TCERG1L: variants seen among roughly 807,000 people sequenced by gnomAD.
The protein encoded by TCERG1L is transcription elongation regulator 1-like protein.
TCERG1L carries 37 observed loss-of-function variants against 56.3 expected under a neutral mutation model. That is an observed-to-expected ratio of 0.66 (90% CI 0.51 to 0.87). The LOEUF (loss-of-function observed/expected upper bound fraction) is 0.87, where lower values mean the gene tolerates loss of function less well. TCERG1L is among the 40% of genes least tolerant of loss of function. The pLI is 0.00. For synonymous variants in TCERG1L, 324 were observed against 326.3 expected (o/e 0.99, Z 0.08); for missense variants, 799 against 774.2 (o/e 1.03, Z -0.38).
Position 131,225,786 on chromosome 10 carries a change from C to T in TCERG1L, c.856+34473G>A, listed in dbSNP as rs185116416. 1.6e-4 allele frequency among the ~76,000 whole-genome samples: 25 copies of T among 152,052 alleles called. No homozygotes were observed. The East Asian group carries it at 4.5e-3, about 27-fold the overall frequency. On this transcript the variant is annotated intron_variant, in intron 4 of 11. Coordinates refer to ENST00000368642, the MANE Select transcript of TCERG1L (RefSeq NM_174937.4). ...ACAGCGATGCCCCAGGCTAGGTTTC[C>T]GATAAACGCAAGTGTGATTGGCCTC...
At chr10:131,148,467 CACAT>C (rs1161689054) in intron 6 of TCERG1L, among the ~76,000 whole-genome samples, 19 of 144,334 alleles carry the variant, frequency 1.3e-4, no homozygotes, top group Admixed American at 5.4e-4. Context: ...CACACACAGA[CACAT>C]ACACAGACAC....
At chr10:131,177,049 CAG>C (rs1262076110) in intron 4 of TCERG1L, among the ~76,000 whole-genome samples, 3 of 109,756 alleles carry the variant, frequency 2.7e-5, no homozygotes, top group South Asian at 3.8e-4. Context: ...TGCACACACA[CAG>C]ACGTATACAC....
chr10:131,290,586 G>A lies in TCERG1L; in HGVS notation c.670+17625C>T, dbSNP rs181491651. The stretch of plus-strand genomic sequence containing the variant: ...GCGGAGGTTGCAGTGAGCTGAGATC[G>A]CGCCATTGCACTCCAGCCTGGACAA... On this transcript the variant is annotated intron_variant, in intron 3 of 11. Coordinates refer to ENST00000368642, the MANE Select transcript of TCERG1L (RefSeq NM_174937.4). Among the ~76,000 whole-genome samples, 6 of 142,954 alleles carry A rather than the reference G, an allele frequency of 4.2e-5. No individual in the cohort carries two copies. The East Asian group carries it at 1.0e-3, about 25-fold the overall frequency. The allele number at this position is 142,954 out of a possible 152,430, so 93.8% of individuals were successfully genotyped here.
intron 4 of TCERG1L, among the ~76,000 whole-genome samples, chr10:131,240,641 CG>C (rs1226143640): frequency 1.1e-4 from 17 of 152,180 alleles, no homozygotes; most frequent in African/African-American, 3.9e-4. Context: ...TGCAGACAGA[CG>C]TGAGCCACGC....
intron 11 of TCERG1L, chr10:131,095,427 G>T (rs535753729): frequency 6.6e-6 from 1 of 152,318 alleles, no homozygotes. Flanking sequence ...ACCAGGACGG[G>T]ACTGTATGGC....
chr10:131,188,502 G>A (rs1200874285), intron 4 of TCERG1L, among the ~76,000 whole-genome samples: 1 of 151,988 alleles, frequency 6.6e-6, no homozygotes, highest in Non-Finnish European at 1.5e-5. Context: ...GGCAGCCTCT[G>A]GTCTCTCATT....
chr10:131,287,612 G>T (rs1314999095), intron 3 of TCERG1L, among the ~76,000 whole-genome samples: 2 of 152,116 alleles, frequency 1.3e-5, no homozygotes, highest in African/African-American at 4.8e-5. Flanking sequence ...GTGATCCAAA[G>T]GTCTGTCTGA....
At position 131,260,370 on chromosome 10, in the gene TCERG1L, C is replaced by A. The variant is rs578159512; in HGVS notation, c.745G>T (p.Val249Phe). The A allele has an allele frequency of 8.0e-6, 12 of 1,498,708 alleles. No individual in the cohort carries two copies. In the South Asian group the frequency reaches 9.8e-5, roughly 12 times the overall value. The allele number at this position is 1,498,708 out of a possible 1,614,324, so 92.8% of individuals were successfully genotyped here. A position where few individuals can be genotyped will look rare whatever the true frequency, so the allele number is the denominator to read the frequency against. The change falls in exon 4 of 12, where the codon GTC (valine) becomes TTC (phenylalanine). Residue 249 changes from valine (V) to phenylalanine (F), a missense_variant. Physicochemically the swap from Val to Phe is conservative, Grantham distance 50. Coordinates refer to ENST00000368642, the MANE Select transcript of TCERG1L (RefSeq NM_174937.4). This position sits in a 1 kb window ranked among gnomAD's most constrained non-coding sequence, Gnocchi z 5.8. ...AIATAAAAAM[V>F]SVDPENLRGP... is the part of the protein sequence containing the mutation. ...CGGAGGTTCTCAGGGTCCACGGAGA[C>A]CATGGCAGCGGCGGCGGCGGTGGCG...
At chr10:131,298,145 TTTC>T (rs894244033) in intron 3 of TCERG1L, among the ~76,000 whole-genome samples, 3 of 61,470 alleles carry the variant, frequency 4.9e-5, no homozygotes, top group African/African-American at 7.3e-5. Flanking sequence ...ATTTGAGGTA[TTTC>T]TTTTTTTTTT....
At position 131,118,033 on chromosome 10, in the gene TCERG1L, G is replaced by A. The variant is rs978012648; in HGVS notation, c.1260-1099C>T. 2.6e-5 allele frequency among the ~76,000 whole-genome samples: 4 copies of A among 152,042 alleles called. No individual in the cohort carries two copies. Among genetic ancestry groups the A allele is most frequent in the African/African-American group, 7.2e-5 (3 of 41,412 alleles). On this transcript the variant is annotated intron_variant, in intron 8 of 11. Transcript: ENST00000368642. The surrounding 1 kb of genome is among the most constrained non-coding windows in gnomAD (Gnocchi z 4.2). Reference sequence around the variant, plus strand: ...TCTCCAGGACGGGCAGACTCAACCCGCGCTGGGTTGGCGCACCCTCACTCT... The same window carrying A: ...TCTCCAGGACGGGCAGACTCAACCCACGCTGGGTTGGCGCACCCTCACTCT...
At chr10:131,304,753 G>GTC (rs1846803049) in intron 3 of TCERG1L, among the ~76,000 whole-genome samples, 1 of 152,108 alleles carries the variant, frequency 6.6e-6, no homozygotes, top group Admixed American at 6.5e-5. Context: ...CTGTGAGAAG[G>GTC]CTCTGCCTCT....
At chr10:131,163,052 G>GT (rs1845993688) in intron 6 of TCERG1L, 70 bp downstream of exon 6, 2 of 1,229,472 alleles carry the variant, frequency 1.6e-6, no homozygotes, top group African/African-American at 1.5e-5. Flanking sequence ...TGTCTCTTTG[G>GT]TGACATCAGG....
rs369836433 is a variant in TCERG1L, at chr10:131,143,106, C to T, written c.1189+3400G>A. Among the ~76,000 whole-genome samples, 233 of 152,294 alleles carry T rather than the reference C, an allele frequency of 1.5e-3. 4 individuals carry two copies. Among genetic ancestry groups the T allele is most frequent in the African/African-American group, 5.3e-3 (219 of 41,564 alleles). The stretch of plus-strand genomic sequence containing the variant: ...GAGGCCTCTGCTCGACGTCTGCCCT[C>T]CAGAACTGTAAGATCATCACCTTGT... On this transcript the variant is annotated intron_variant, in intron 7 of 11. Transcript: ENST00000368642.
chr10:131,282,830 G>T (rs1258152151), intron 3 of TCERG1L, among the ~76,000 whole-genome samples: 1 of 152,124 alleles, frequency 6.6e-6, no homozygotes, highest in Non-Finnish European at 1.5e-5. Context: ...TTACCTGCAT[G>T]ATGTTACCAG....
chr10:131,214,893 T>G (rs1845653399), intron 4 of TCERG1L, among the ~76,000 whole-genome samples: 1 of 152,236 alleles, frequency 6.6e-6, no homozygotes, highest in Middle Eastern at 3.2e-3. Flanking sequence ...TATTAAACAC[T>G]TATTCCATGC....
chr10:131,264,556 G>A (rs1291403835), intron 3 of TCERG1L, among the ~76,000 whole-genome samples: 3 of 152,164 alleles, frequency 2.0e-5, no homozygotes, highest in Non-Finnish European at 4.4e-5. Context: ...GGGAAGCTGC[G>A]TCCCCACACC....
rs570592989 is a variant in TCERG1L, at chr10:131,231,456, A to G, written c.856+28803T>C. Among the ~76,000 whole-genome samples the G allele has an allele frequency of 3.2e-4, 48 of 152,288 alleles. No homozygotes were observed. In the South Asian group the frequency reaches 9.3e-3, roughly 30 times the overall value. Reference sequence around the variant, plus strand: ...AAATGACTGAGACTCCAAGAATTGCAGCCCTGGAGCCGGCTGGCATCCCCT... The same window carrying G: ...AAATGACTGAGACTCCAAGAATTGCGGCCCTGGAGCCGGCTGGCATCCCCT... On this transcript the variant is annotated intron_variant, in intron 4 of 11. Transcript: ENST00000368642.
At chr10:131,243,713 G>A (rs772442943) in intron 4 of TCERG1L, among the ~76,000 whole-genome samples, 3 of 152,194 alleles carry the variant, frequency 2.0e-5, no homozygotes, top group Non-Finnish European at 2.9e-5. Flanking sequence ...TCACCAAGAC[G>A]CAAGTAAGTG....
intron 4 of TCERG1L, among the ~76,000 whole-genome samples, chr10:131,230,229 G>A (rs911203445): frequency 1.3e-5 from 2 of 151,992 alleles, no homozygotes; most frequent in African/African-American, 2.4e-5. Context: ...TTCATTTTAC[G>A]AGGACAAGGC....
Sources: allele counts gnomAD v4.1 joint callset (sites outside exome capture counted in the v4.1 genomes callset), GRCh38; gene constraint gnomAD v4.1.1; non-coding constraint Gnocchi (gnomAD v3.1); transcripts MANE v1.5; gene names NCBI Gene and HGNC (gene_info 2026-07-23, HGNC 2026-07-21).